PCGF3: variants seen among roughly 807,000 people sequenced by gnomAD.
The protein encoded by PCGF3 is polycomb group RING finger protein 3.
Under a neutral mutation model 33.1 loss-of-function variants are expected in PCGF3, and 7 were observed. The ratio of observed to expected loss-of-function variants is 0.21; its 90% CI spans 0.12 to 0.40. The LOEUF is 0.40. Among genes scored for constraint, PCGF3 ranks in the 10% least tolerant of loss-of-function variants. The probability of loss-of-function intolerance (pLI) is 1.00; values close to 1 mark genes in which losing one functional copy is unlikely to be tolerated. For missense variants in PCGF3, 211 were observed against 313.3 expected (o/e 0.67, Z 2.46); for synonymous variants, 153 against 121.3 (o/e 1.26, Z -1.72).
At position 749,423 on chromosome 4, in the gene PCGF3, C is replaced by A. The variant is rs991917496; in HGVS notation, c.462+4735C>A. ...GGGTGATCCACCCACCTCAGCCTCCCAAAGTTCTAGAATTACAGGCATGAG... is the reference window on the plus strand; with the variant it reads ...GGGTGATCCACCCACCTCAGCCTCCAAAAGTTCTAGAATTACAGGCATGAG... On this transcript the variant is annotated intron_variant, in intron 8 of 10. Transcript: ENST00000362003. Among the ~76,000 whole-genome samples the A allele has an allele frequency of 6.7e-5, 10 of 149,392 alleles. No homozygotes were observed. In the Admixed American group the frequency reaches 6.7e-4, roughly 10 times the overall value.
At chr4:727,841 G>C (rs1743394089) in intron 1 of PCGF3, among the ~76,000 whole-genome samples, 1 of 152,194 alleles carries the variant, frequency 6.6e-6, no homozygotes, top group Non-Finnish European at 1.5e-5. Context: ...GGTTTTGTCA[G>C]GCTCATAGTG....
chr4:753,272 C>T (rs575629682), intron 8 of PCGF3, among the ~76,000 whole-genome samples: 37 of 152,362 alleles, frequency 2.4e-4, no homozygotes, highest in African/African-American at 8.4e-4. Flanking sequence ...CAGCCTCGAC[C>T]TCTTGGGCTC....
Position 720,196 on chromosome 4 carries a change from C to CGAG in PCGF3, c.-189-10432_-189-10430dup, listed in dbSNP as rs1336931224. On this transcript the variant is annotated intron_variant, in intron 1 of 10. Transcript: ENST00000362003. This position sits in a 1 kb window ranked among gnomAD's most constrained non-coding sequence, Gnocchi z 5.6. Reference sequence around the variant, plus strand: ...CCCTGCTGCCGGAGTATGCCAAGCACGAGGGGCCAGGTGGCACACAGCACC... The same window carrying CGAG: ...CCCTGCTGCCGGAGTATGCCAAGCACGAGGAGGGGCCAGGTGGCACACAGCACC... Among the ~76,000 whole-genome samples, 1 of 152,098 alleles carries CGAG rather than the reference C, an allele frequency of 6.6e-6. No homozygotes were observed. The highest frequency in any genetic ancestry group is 1.9e-4 in the East Asian group (1 of 5,182).
chr4:707,522 G>A lies in PCGF3; in HGVS notation c.-190+1552G>A, dbSNP rs191731640. ...GACAGCCTGTTTTCACCCGGGGGCC[G>A]GGACCCTGGGACAGCCCTGTTTTCC... is the stretch of plus-strand genomic sequence containing the variant. On this transcript the variant is annotated intron_variant, in intron 1 of 10. Transcript: ENST00000362003. Among the ~76,000 whole-genome samples, 817 of 129,918 alleles carry A rather than the reference G, an allele frequency of 6.3e-3. 55 individuals carry two copies. Among genetic ancestry groups the A allele is most frequent in the African/African-American group, 0.011 (393 of 35,700 alleles). The allele number at this position is 129,918 out of a possible 152,430, so 85.2% of individuals were successfully genotyped here. A position where few individuals can be genotyped will look rare whatever the true frequency, so the allele number is the denominator to read the frequency against.
Position 725,647 on chromosome 4 carries a change from T to C in PCGF3, c.-189-4983T>C, listed in dbSNP as rs1403987596. On this transcript the variant is annotated intron_variant, in intron 1 of 10. Transcript: ENST00000362003. ...TGCTGTGGGCTCTGCGCTGTGGCTG[T>C]GTGGGCTGCCGAGGGCTGCTGTGGG... 3.6e-5 allele frequency among the ~76,000 whole-genome samples: 5 copies of C among 139,426 alleles called. No individual in the cohort carries two copies. In the East Asian group the frequency reaches 6.9e-4, roughly 19 times the overall value. 91.5% of individuals were successfully genotyped at this position (139,426 alleles called of 152,430 possible). A position where few individuals can be genotyped will look rare whatever the true frequency, so the allele number is the denominator to read the frequency against.
At chr4:741,621 C>T (rs1238783006) in intron 6 of PCGF3, among the ~76,000 whole-genome samples, 1 of 152,098 alleles carries the variant, frequency 6.6e-6, no homozygotes, top group Non-Finnish European at 1.5e-5. Context: ...GTTGGCCAGG[C>T]TGGTCTCGAA....
Position 722,665 on chromosome 4 carries a change from T to C in PCGF3, c.-189-7965T>C, listed in dbSNP as rs113600723. On this transcript the variant is annotated intron_variant, in intron 1 of 10. Transcript: ENST00000362003. ...CCGGGTCCACACTCGCGTCATCACCTGTCTGCGCTGGGTCCACACTCGCGT... is the reference window on the plus strand; with the variant it reads ...CCGGGTCCACACTCGCGTCATCACCCGTCTGCGCTGGGTCCACACTCGCGT... Among the ~76,000 whole-genome samples, 39 of 76,326 alleles carry C rather than the reference T, an allele frequency of 5.1e-4. 4 individuals are homozygous for C. The highest frequency in any genetic ancestry group is 1.7e-3 in the African/African-American group (30 of 17,300). 50.1% of individuals were successfully genotyped at this position (76,326 alleles called of 152,430 possible).
chr4:708,193 A>G (rs1247342141), intron 1 of PCGF3, among the ~76,000 whole-genome samples: 1 of 152,096 alleles, frequency 6.6e-6, no homozygotes, highest in Non-Finnish European at 1.5e-5. Context: ...CTAGATGACC[A>G]GGACCTCAAA....
chr4:709,455 T>G (rs1420398094), intron 1 of PCGF3, among the ~76,000 whole-genome samples: 1 of 151,412 alleles, frequency 6.6e-6, no homozygotes, highest in Admixed American at 6.6e-5. Flanking sequence ...GAGTGAATGA[T>G]CCATGAGCAA....
At chr4:769,478 CAT>C (rs1261329625) in exon 11 of PCGF3, 2 of 152,754 alleles carry the variant, frequency 1.3e-5, no homozygotes, top group African/African-American at 2.4e-5. Flanking sequence ...CACCACATCA[CAT>C]GACCTTAACA....
intron 4 of PCGF3, chr4:734,063 G>A (rs1743733417): frequency 6.4e-7 from 1 of 1,550,600 alleles, no homozygotes; most frequent in Non-Finnish European, 8.7e-7. Flanking sequence ...AAGGCCAGTA[G>A]CCGCTGTGAC....
intron 1 of PCGF3, among the ~76,000 whole-genome samples, chr4:718,993 C>T (rs998316333): frequency 9.9e-5 from 15 of 151,822 alleles, no homozygotes; most frequent in Non-Finnish European, 1.9e-4. Context: ...CTTGTGCTGT[C>T]ACCCAGACTG....
intron 8 of PCGF3, among the ~76,000 whole-genome samples, chr4:759,885 G>A (rs1375873864): frequency 9.2e-6 from 1 of 108,184 alleles, no homozygotes. Flanking sequence ...TCCGGACTCC[G>A]GGTCTTTCTC....
At position 721,188 on chromosome 4, in the gene PCGF3, G is replaced by A. The variant is rs762942631; in HGVS notation, c.-189-9442G>A. Among the ~76,000 whole-genome samples, 18 of 152,236 alleles carry A rather than the reference G, an allele frequency of 1.2e-4. No homozygotes were observed. Among genetic ancestry groups the A allele is most frequent in the Middle Eastern group, 3.4e-3 (1 of 292 alleles). Reference sequence around the variant, plus strand: ...CCTCACTGCCCCATTACAACAGTGCGGGCCCTGATTCTCATGGTTCCCCAG... The same window carrying A: ...CCTCACTGCCCCATTACAACAGTGCAGGCCCTGATTCTCATGGTTCCCCAG... On this transcript the variant is annotated intron_variant, in intron 1 of 10. Coordinates refer to ENST00000362003, the Ensembl canonical transcript of PCGF3. The surrounding 1 kb of genome is among the most constrained non-coding windows in gnomAD (Gnocchi z 4.1).
At chr4:753,976 C>T (rs1344241665) in intron 8 of PCGF3, among the ~76,000 whole-genome samples, 1 of 152,194 alleles carries the variant, frequency 6.6e-6, no homozygotes, top group Non-Finnish European at 1.5e-5. Flanking sequence ...CGAGCAGCTG[C>T]CCAGTGGACT....
chr4:726,062 C>T (rs965809911), intron 1 of PCGF3, among the ~76,000 whole-genome samples: 16 of 152,202 alleles, frequency 1.1e-4, no homozygotes, highest in Non-Finnish European at 2.1e-4. Context: ...AGTGGGCAGC[C>T]GCGGGCGGGA....
At chr4:764,861 C>T in intron 9 of PCGF3, 123 bp from the exon 10 acceptor site, 1 of 656,742 alleles carries the variant, frequency 1.5e-6, no homozygotes, top group Non-Finnish European at 2.8e-6. Flanking sequence ...CCCCCCACCC[C>T]ATCTCTAGGC....
At chr4:766,289 G>C (rs1446899502) in exon 11 of PCGF3, 1 of 533,728 alleles carries the variant, frequency 1.9e-6, no homozygotes, top group African/African-American at 1.9e-5. Flanking sequence ...GTCTCCCAGA[G>C]CCGATCGTCC....
intron 8 of PCGF3, among the ~76,000 whole-genome samples, chr4:753,723 A>C (rs776632434): frequency 1.7e-4 from 26 of 152,066 alleles, no homozygotes; most frequent in Non-Finnish European, 3.5e-4. Flanking sequence ...TGAGGCGGGC[A>C]GATTGCCTAA....
Sources: allele counts gnomAD v4.1 joint callset (sites outside exome capture counted in the v4.1 genomes callset), GRCh38; gene constraint gnomAD v4.1.1; non-coding constraint Gnocchi (gnomAD v3.1); transcripts MANE v1.5; gene names NCBI Gene and HGNC (gene_info 2026-07-23, HGNC 2026-07-21).